The following LTN1 variants were observed in gnomAD, a reference collection of about 807,000 sequenced individuals.
LTN1 encodes listerin E3 ubiquitin protein ligase 1.
Under a neutral mutation model 201.2 loss-of-function variants are expected in LTN1, and 88 were observed. The ratio of observed to expected loss-of-function variants is 0.44; its 90% CI spans 0.37 to 0.52. LTN1 has a LOEUF of 0.52. Ranked by LOEUF, LTN1 falls within the 20% of genes least tolerant of loss-of-function variation. LTN1 has a pLI of 0.00. For synonymous variants in LTN1, 645 were observed against 713.5 expected, an observed-to-expected ratio of 0.90 and a Z score of 1.53; for missense variants, 1,752 against 2,038.7, an observed-to-expected ratio of 0.86 and a Z score of 2.71.
chr21:28,948,835 T>C (rs2084361584), intron 18 of LTN1, among the ~76,000 whole-genome samples: 1 of 152,202 alleles, frequency 6.6e-6, no homozygotes, highest in South Asian at 2.1e-4. Context: ...CACATAATGC[T>C]GCAATAAATA....
chr21:28,968,829 A>G (rs1175973421), intron 9 of LTN1, among the ~76,000 whole-genome samples: 1 of 145,148 alleles, frequency 6.9e-6, no homozygotes, highest in Non-Finnish European at 1.5e-5. Context: ...CTGGTCTTGA[A>G]CCCCCAACCT....
intron 17 of LTN1, among the ~76,000 whole-genome samples, chr21:28,952,807 C>T (rs1263541022): frequency 6.6e-6 from 1 of 152,232 alleles, no homozygotes; most frequent in African/African-American, 2.4e-5. Flanking sequence ...ACAACCTCTA[C>T]AAGGACTGTT....
In LTN1 at chr21:28,932,676, C is replaced by T. The variant is rs749943791; in HGVS notation, c.4876-12G>A. 8.9e-6 allele frequency: 14 copies of T among 1,578,982 alleles called. No individual in the cohort carries two copies. The highest frequency in any genetic ancestry group is 8.1e-5 in the South Asian group (7 of 86,634). On this transcript the variant is annotated splice_polypyrimidine_tract_variant and intron_variant, in intron 27 of 29. Coordinates refer to ENST00000361371, the MANE Select transcript of LTN1 (RefSeq NM_015565.3). ...GCTCGAGCTTTAACCTGCAATACAACAAAGGATATTTTGTTTGCCAAATTT... is the reference window on the plus strand; with the variant it reads ...GCTCGAGCTTTAACCTGCAATACAATAAAGGATATTTTGTTTGCCAAATTT...
rs1233297675 is a variant in LTN1, at chr21:28,941,201, T to C, written c.4482+19A>G. ...CATATTAGGACAGAACTATCGAAAG[T>C]TGTCACATATTTATTTACCTGTGAT... On this transcript the variant is annotated intron_variant, in intron 25 of 29. Transcript: ENST00000361371. 6.3e-7 allele frequency: 1 copy of C among 1,586,314 alleles called. No homozygotes were observed. Among genetic ancestry groups the C allele is most frequent in the South Asian group, 1.1e-5 (1 of 89,340 alleles).
chr21:28,935,273 T>C lies in LTN1; in HGVS notation c.4711A>G (p.Thr1571Ala). The C allele has an allele frequency of 1.2e-6, 2 of 1,614,134 alleles. No individual in the cohort carries two copies. Among genetic ancestry groups the C allele is most frequent in the Non-Finnish European group, 1.7e-6 (2 of 1,179,984 alleles). Residue 1571 changes from threonine (T) to alanine (A), a missense_variant, in exon 27 of 30, where the codon ACA becomes GCA. By Grantham distance (58) the Thr-to-Ala change is moderately conservative. This residue lies in a region of LTN1 where 261 missense variants were observed against 350.1 expected (regional missense o/e 0.75). Coordinates refer to ENST00000361371, the MANE Select transcript of LTN1 (RefSeq NM_015565.3). The stretch of plus-strand genomic sequence containing the variant: ...ACCATGGCAGGCAAGTCTTTTAATG[T>C]CATATGATAGACTGAACAAGCCAAG... ...PHLACSVYHM[T>A]LKDLPAMVRL...
intron 12 of LTN1, chr21:28,959,903 T>C: frequency 4.5e-6 from 2 of 443,448 alleles, no homozygotes; most frequent in South Asian, 2.7e-5. Flanking sequence ...AAAACAGAAA[T>C]GGTCTACAGT....
chr21:28,952,436 G>A (rs2084390443), intron 17 of LTN1, among the ~76,000 whole-genome samples, 172 bp from the exon 18 acceptor site: 1 of 152,200 alleles, frequency 6.6e-6, no homozygotes, highest in South Asian at 2.1e-4. Context: ...CCAAAGAGCT[G>A]AGAGTTTCGG....
chr21:28,969,797 T>C (rs908747320), intron 8 of LTN1, among the ~76,000 whole-genome samples, 196 bp from the exon 9 acceptor site: 5 of 152,172 alleles, frequency 3.3e-5, no homozygotes, highest in African/African-American at 1.2e-4. Flanking sequence ...TGAAAAAGTT[T>C]TTCAAAAAAT....
chr21:28,966,298 A>G, intron 10 of LTN1, 72 bp downstream of exon 10: 6 of 1,289,238 alleles, frequency 4.7e-6, no homozygotes, highest in South Asian at 1.5e-5. Context: ...AGAAACAACC[A>G]GAAAACAATA....
intron 10 of LTN1, 29 bp downstream of exon 10, chr21:28,966,341 T>G (rs753413053): frequency 6.6e-7 from 1 of 1,520,004 alleles, no homozygotes; most frequent in South Asian, 1.3e-5. Flanking sequence ...ATTATTCAAA[T>G]AGTTTGAAAA....
intron 27 of LTN1, among the ~76,000 whole-genome samples, chr21:28,933,138 C>G (rs1399066107): frequency 6.6e-6 from 1 of 152,154 alleles, no homozygotes; most frequent in African/African-American, 2.4e-5. Flanking sequence ...CAACATAAAA[C>G]GCACACATTA....
chr21:28,946,209 A>G lies in LTN1; in HGVS notation c.3566T>C (p.Ile1189Thr). The G allele has an allele frequency of 1.3e-6, 2 of 1,589,732 alleles. No individual in the cohort carries two copies. The highest frequency in any genetic ancestry group is 1.7e-6 in the Non-Finnish European group (2 of 1,168,528). Residue 1189 changes from isoleucine to threonine, a missense_variant, in exon 20 of 30, where the codon ATA becomes ACA. Ile to Thr is a moderately conservative substitution (Grantham distance 89). Around this residue, in one of 3 missense-constraint regions of LTN1, gnomAD observed 1,211 missense variants for 1,312.8 expected, o/e 0.92. Transcript: ENST00000361371. ...SIDDGELLHG[I>T]LKIIISWKKE... ...CTTCCAGGATATTATGATTTTTAAT[A>G]TTCCATGTAATAGCTCTCCATCATC...
At chr21:28,982,586 C>A (rs540479547) in intron 4 of LTN1, among the ~76,000 whole-genome samples, 4 of 152,334 alleles carry the variant, frequency 2.6e-5, no homozygotes, top group African/African-American at 9.6e-5. Context: ...TTCTTCCCCA[C>A]GCACCTATAA....
chr21:28,956,240 T>G (rs2084424659), intron 16 of LTN1, among the ~76,000 whole-genome samples: 1 of 152,142 alleles, frequency 6.6e-6, no homozygotes, highest in African/African-American at 2.4e-5. Context: ...AACAATGATT[T>G]ATATTGCAAA....
chr21:28,936,676 A>T lies in LTN1; in HGVS notation c.4504T>A (p.Tyr1502Asn). ...SSQLRALYSM[Y>N]LRKTKSLNKL... Reference sequence around the variant, plus strand: ...TTCAAACTCTTTGTTTTCCGAAGATACATGGAATACAAAGCCCGAAGCTGG... The same window carrying T: ...TTCAAACTCTTTGTTTTCCGAAGATTCATGGAATACAAAGCCCGAAGCTGG... The change falls in exon 26 of 30, where the codon TAT becomes AAT. Residue 1502 changes from tyrosine to asparagine, a missense_variant. Tyr to Asn is a moderately radical substitution (Grantham distance 143). This residue lies in a region of LTN1 where 261 missense variants were observed against 350.1 expected (regional missense o/e 0.75). Coordinates refer to ENST00000361371, the MANE Select transcript of LTN1 (RefSeq NM_015565.3). 4 of 1,612,222 alleles carry T rather than the reference A, an allele frequency of 2.5e-6. No individual in the cohort carries two copies. The highest frequency in any genetic ancestry group is 3.4e-6 in the Non-Finnish European group (4 of 1,178,908).
intron 16 of LTN1, among the ~76,000 whole-genome samples, chr21:28,956,367 A>G (rs1278198542): frequency 6.6e-6 from 1 of 152,232 alleles, no homozygotes; most frequent in Non-Finnish European, 1.5e-5. Context: ...TCAAAATATC[A>G]CATGTACCCC....
rs2084698316 is a variant in LTN1, at chr21:28,986,325, T to C, written c.247-88A>G. On this transcript the variant is annotated intron_variant, in intron 2 of 29. Coordinates refer to ENST00000361371, the MANE Select transcript of LTN1 (RefSeq NM_015565.3). This position sits in a 1 kb window ranked among gnomAD's most constrained non-coding sequence, Gnocchi z 4.1. Reference sequence around the variant, plus strand: ...TGTTCTGGAAGCTTTGTCTATTTTATGTAATAGGAGAATACACTATTTCTC... The same window carrying C: ...TGTTCTGGAAGCTTTGTCTATTTTACGTAATAGGAGAATACACTATTTCTC... 2.4e-6 allele frequency: 2 copies of C among 817,384 alleles called. No individual in the cohort carries two copies. Among genetic ancestry groups the C allele is most frequent in the Admixed American group, 2.2e-5 (1 of 44,448 alleles). 50.6% of individuals were successfully genotyped at this position (817,384 alleles called of 1,614,324 possible). A position where few individuals can be genotyped will look rare whatever the true frequency, so the allele number is the denominator to read the frequency against.
chr21:28,931,143 CT>C lies in LTN1; in HGVS notation c.5238+11del. ...ATAAAATATAAGTAAGTTAATTTCT[CT>C]TTAGACTTACCAAGCAGGCTGAATG... On this transcript the variant is annotated intron_variant, in intron 29 of 29. Transcript: ENST00000361371. The C allele has an allele frequency of 6.3e-7, 1 of 1,588,842 alleles. No homozygotes were observed. The highest frequency in any genetic ancestry group is 1.4e-5 in the African/African-American group (1 of 73,916).
In LTN1 at chr21:28,965,901, G is replaced by T; in HGVS notation, c.2127C>A (p.Asp709Glu). 2.0e-6 allele frequency: 3 copies of T among 1,521,902 alleles called. No homozygotes were observed. The highest frequency in any genetic ancestry group is 2.3e-5 in the East Asian group (1 of 43,762). The allele number at this position is 1,521,902 out of a possible 1,614,324, so 94.3% of individuals were successfully genotyped here. The part of the protein sequence containing the change: ...KKVLDDLTKV[D>E]LKWNSLLKII... ...TCTTAAGAAGAGAATTCCATTTCAA[G>T]TCCACCTGAAAAAAGAAAAAGAGTT... Residue 709 changes from aspartate to glutamate, a missense_variant, in exon 11 of 30, where the codon GAC becomes GAA. Around this residue, in one of 3 missense-constraint regions of LTN1, gnomAD observed 1,211 missense variants for 1,312.8 expected, o/e 0.92. Coordinates refer to ENST00000361371, the MANE Select transcript of LTN1 (RefSeq NM_015565.3).
Sources: allele counts gnomAD v4.1 joint callset (sites outside exome capture counted in the v4.1 genomes callset), GRCh38; gene constraint gnomAD v4.1.1; regional missense constraint gnomAD v4.1.1; non-coding constraint Gnocchi (gnomAD v3.1); transcripts MANE v1.5; gene names NCBI Gene and HGNC (gene_info 2026-07-23, HGNC 2026-07-21).